Variants in ADARB1 observed in about 807,000 individuals in gnomAD.
ADARB1 encodes the protein adenosine deaminase RNA specific B1.
ADARB1 carries 10 observed loss-of-function variants against 52.4 expected under a neutral mutation model. The observed-to-expected ratio is 0.19, with a 90% CI of 0.12 to 0.32. The LOEUF is 0.32. Ranked by LOEUF, ADARB1 falls within the 10% of genes least tolerant of loss-of-function variation. ADARB1 has a pLI of 1.00. For synonymous variants in ADARB1, 349 were observed against 371.1 expected (o/e 0.94, Z 0.68); for missense variants, 643 against 922.3 (o/e 0.70, Z 3.92).
At chr21:45,201,249 A>G (rs1028649512) in intron 8 of ADARB1, among the ~76,000 whole-genome samples, 1 of 152,136 alleles carries the variant, frequency 6.6e-6, no homozygotes, top group Non-Finnish European at 1.5e-5. Flanking sequence ...TTTCATCCTG[A>G]TGAAGTTTGT....
At chr21:45,088,743 T>C in intron 1 of ADARB1, among the ~76,000 whole-genome samples, 1 of 152,142 alleles carries the variant, frequency 6.6e-6, no homozygotes, top group East Asian at 1.9e-4. Context: ...ATAGTAACTT[T>C]AGAATGGAGG....
chr21:45,108,035 G>A (rs1247090810), intron 1 of ADARB1, among the ~76,000 whole-genome samples: 3 of 152,110 alleles, frequency 2.0e-5, no homozygotes, highest in African/African-American at 7.2e-5. Flanking sequence ...CAGCCTCGGT[G>A]ACAGAGCGAG....
At chr21:45,118,381 C>G (rs530066772) in intron 1 of ADARB1, among the ~76,000 whole-genome samples, 2 of 152,238 alleles carry the variant, frequency 1.3e-5, no homozygotes, top group South Asian at 4.1e-4. Flanking sequence ...GGATGGCTGA[C>G]AGACTTCTTA....
chr21:45,111,788 G>C (rs542206518), intron 1 of ADARB1, among the ~76,000 whole-genome samples: 11 of 152,264 alleles, frequency 7.2e-5, no homozygotes, highest in African/African-American at 2.2e-4. Context: ...ATAGTTAGAC[G>C]GTTTCCAGTT....
At position 45,200,014 on chromosome 21, in the gene ADARB1, A is replaced by G. The variant is rs968786137; in HGVS notation, c.1566-4541A>G. Reference sequence around the variant, plus strand: ...TAGAACCTAGCATGGGTGGGCCAAGAAATAGCAAATGGCCAGAAAAGTTGC... The same window carrying G: ...TAGAACCTAGCATGGGTGGGCCAAGGAATAGCAAATGGCCAGAAAAGTTGC... On this transcript the variant is annotated intron_variant, in intron 8 of 10. Coordinates refer to ENST00000348831, the MANE Select transcript of ADARB1 (RefSeq NM_001112.4). The surrounding 1 kb of genome is among the most constrained non-coding windows in gnomAD (Gnocchi z 5.0). Among the ~76,000 whole-genome samples, 1 of 152,232 alleles carries G rather than the reference A, an allele frequency of 6.6e-6. No individual in the cohort carries two copies. The highest frequency in any genetic ancestry group is 1.5e-5 in the Non-Finnish European group (1 of 68,030).
chr21:45,223,997 T>C lies in ADARB1; in HGVS notation c.*1800T>C, dbSNP rs1230103634. Reference sequence around the variant, plus strand: ...CGTCTCTGCCGCTCCGTCACCACAGTGGGGTTTTGTTCAGGCAGATCGCGC... The same window carrying C: ...CGTCTCTGCCGCTCCGTCACCACAGCGGGGTTTTGTTCAGGCAGATCGCGC... On this transcript the variant is annotated 3_prime_UTR_variant, in exon 11 of 11. Transcript: ENST00000348831. The C allele has an allele frequency of 2.0e-6, 2 of 985,272 alleles. No homozygotes were observed. The highest frequency in any genetic ancestry group is 2.4e-6 in the Non-Finnish European group (2 of 829,972). 61.0% of individuals were successfully genotyped at this position (985,272 alleles called of 1,614,324 possible).
At chr21:45,097,932 A>C (rs2086835047) in intron 1 of ADARB1, among the ~76,000 whole-genome samples, 1 of 152,114 alleles carries the variant, frequency 6.6e-6, no homozygotes, top group African/African-American at 2.4e-5. Flanking sequence ...TCACAAAATG[A>C]ACATCTGAAA....
rs1422826168 is a variant in ADARB1, at chr21:45,200,738, C to T, written c.1566-3817C>T. Among the ~76,000 whole-genome samples the T allele has an allele frequency of 6.6e-6, 1 of 152,116 alleles. No homozygotes were observed. Among genetic ancestry groups the T allele is most frequent in the African/African-American group, 2.4e-5 (1 of 41,414 alleles). On this transcript the variant is annotated intron_variant, in intron 8 of 10. Coordinates refer to ENST00000348831, the MANE Select transcript of ADARB1 (RefSeq NM_001112.4). The surrounding 1 kb of genome is among the most constrained non-coding windows in gnomAD (Gnocchi z 5.0). ...AAAGCAGGAAGGAATGGGCGTGGGG[C>T]AACCACTAGGAAGCTGTAGTCCTTC...
In ADARB1 at chr21:45,221,959, G is replaced by T; in HGVS notation, c.1927-59G>T. 1 of 1,553,918 alleles carries T rather than the reference G, an allele frequency of 6.4e-7. No individual in the cohort carries two copies. Among genetic ancestry groups the T allele is most frequent in the Non-Finnish European group, 8.8e-7 (1 of 1,132,524 alleles). ...AGGCCATGTTTTGGTATCTTATTAG[G>T]TGTTGTTTTCATCTGTTACAGCGTC... On this transcript the variant is annotated intron_variant, in intron 10 of 10. Coordinates refer to ENST00000348831, the MANE Select transcript of ADARB1 (RefSeq NM_001112.4). The surrounding 1 kb of genome is among the most constrained non-coding windows in gnomAD (Gnocchi z 4.9).
At position 45,220,234 on chromosome 21, in the gene ADARB1, T is replaced by C. The variant is rs541693620; in HGVS notation, c.1748-602T>C. Among the ~76,000 whole-genome samples, 1 of 152,030 alleles carries C rather than the reference T, an allele frequency of 6.6e-6. No homozygotes were observed. The highest frequency in any genetic ancestry group is 6.6e-5 in the Admixed American group (1 of 15,266). ...CCAAAAAATTTTGAAATCCATGAGG[T>C]TTTTTCATAATAAGCATTTTCCATG... On this transcript the variant is annotated intron_variant, in intron 9 of 10. Coordinates refer to ENST00000348831, the MANE Select transcript of ADARB1 (RefSeq NM_001112.4). The surrounding 1 kb of genome is among the most constrained non-coding windows in gnomAD (Gnocchi z 6.3).
intron 2 of ADARB1, among the ~76,000 whole-genome samples, chr21:45,169,802 C>T (rs779303190): frequency 6.6e-5 from 10 of 152,234 alleles, no homozygotes; most frequent in Middle Eastern, 3.2e-3. Context: ...TGCATAACCT[C>T]AGTGCCCTCA....
rs1601564288 is a variant in ADARB1 at position 45,142,660 on chromosome 21, C to G, written c.-48+14087C>G. On this transcript the variant is annotated intron_variant, in intron 2 of 10. Transcript: ENST00000348831. The surrounding 1 kb of genome is among the most constrained non-coding windows in gnomAD (Gnocchi z 4.0). ...TGACTCAGCCCAGCTGGCTGCCAGG[C>G]TGCTCCCCATGAGGTGGTGGGAGCC... Among the ~76,000 whole-genome samples the G allele has an allele frequency of 1.3e-5, 2 of 152,344 alleles. No homozygotes were observed. The highest frequency in any genetic ancestry group is 3.9e-4 in the East Asian group (2 of 5,180).
At chr21:45,213,762 G>T (rs1177075869) in intron 9 of ADARB1, among the ~76,000 whole-genome samples, 1 of 152,076 alleles carries the variant, frequency 6.6e-6, no homozygotes, top group Non-Finnish European at 1.5e-5. Context: ...GCATTGCACT[G>T]GGTGGATAAA....
chr21:45,150,902 A>G (rs1158854361), intron 2 of ADARB1, among the ~76,000 whole-genome samples: 2 of 152,162 alleles, frequency 1.3e-5, no homozygotes, highest in South Asian at 2.1e-4. Context: ...AATTCAGTAC[A>G]CCACACAATG....
chr21:45,083,660 A>G (rs902776381), intron 1 of ADARB1, among the ~76,000 whole-genome samples: 1 of 152,352 alleles, frequency 6.6e-6, no homozygotes, highest in East Asian at 1.9e-4. Context: ...GAAAAAATAC[A>G]TTTGATTCAA....
intron 1 of ADARB1, among the ~76,000 whole-genome samples, chr21:45,080,343 G>A (rs1229390119): frequency 2.0e-5 from 3 of 152,218 alleles, no homozygotes; most frequent in African/African-American, 7.2e-5. Context: ...TAATATGCCA[G>A]GAAAGAGGAT....
chr21:45,165,233 T>C (rs950727213), intron 2 of ADARB1, among the ~76,000 whole-genome samples: 4 of 145,302 alleles, frequency 2.8e-5, no homozygotes, highest in Admixed American at 2.1e-4. Flanking sequence ...ACTGAGGTGT[T>C]AGTGCCCTGT....
intron 2 of ADARB1, among the ~76,000 whole-genome samples, chr21:45,165,136 G>T (rs1324824091): frequency 1.3e-5 from 2 of 152,130 alleles, no homozygotes; most frequent in Non-Finnish European, 2.9e-5. Flanking sequence ...TACTGTCTGT[G>T]CGACTGGCAT....
intron 1 of ADARB1, among the ~76,000 whole-genome samples, chr21:45,123,139 A>G (rs919334941): frequency 1.3e-5 from 2 of 152,100 alleles, no homozygotes; most frequent in African/African-American, 4.8e-5. Context: ...ACACATATAT[A>G]AGAGAATAAT....
Sources: allele counts gnomAD v4.1 joint callset (sites outside exome capture counted in the v4.1 genomes callset), GRCh38; gene constraint gnomAD v4.1.1; non-coding constraint Gnocchi (gnomAD v3.1); transcripts MANE v1.5; gene names NCBI Gene and HGNC (gene_info 2026-07-23, HGNC 2026-07-21).